The following NR1H2 variants were observed in gnomAD, a reference collection of about 807,000 sequenced individuals.
NR1H2 encodes oxysterols receptor LXR-beta.
A neutral mutation model predicts 51.2 loss-of-function variants in NR1H2; 33 were observed. The ratio of observed to expected loss-of-function variants is 0.64; its 90% CI spans 0.49 to 0.86. The LOEUF (loss-of-function observed/expected upper bound fraction) is 0.86, where lower values mean the gene tolerates loss of function less well. NR1H2 is among the 40% of genes least tolerant of loss of function. NR1H2 has a pLI of 0.00. For synonymous variants in NR1H2, 310 were observed against 264.3 expected (o/e 1.17, Z -1.68); for missense variants, 592 against 639.9 (o/e 0.93, Z 0.81).
chr19:50,378,888 G>C (rs1357966673), intron 6 of NR1H2, 92 bp downstream of exon 6: 4 of 1,558,064 alleles, frequency 2.6e-6, no homozygotes, highest in Non-Finnish European at 3.5e-6. Context: ...TGAGGCTCCA[G>C]AGGGCAGGGG....
At chr19:50,381,802 A>G (rs1389711267) in intron 8 of NR1H2, among the ~76,000 whole-genome samples, 164 bp from the exon 9 acceptor site, 1 of 152,180 alleles carries the variant, frequency 6.6e-6, no homozygotes, top group Non-Finnish European at 1.5e-5. Flanking sequence ...CACACCTACT[A>G]CATGCCAGCA....
rs952305624 is a variant in NR1H2, at chr19:50,382,479, G to A, written c.1260G>A (p.Met420Ile). 6 of 1,608,498 alleles carry A rather than the reference G, an allele frequency of 3.7e-6. No homozygotes were observed. The highest frequency in any genetic ancestry group is 4.2e-6 in the Non-Finnish European group (5 of 1,178,872). The change falls in exon 10 of 10, where the codon ATG becomes ATA. Residue 420 changes from methionine to isoleucine, a missense_variant. Coordinates refer to ENST00000253727, the MANE Select transcript of NR1H2 (RefSeq NM_007121.7). ...RPQDQLRFPRMLMKLVSLRTL... is the reference protein window; with the variant it reads ...RPQDQLRFPRILMKLVSLRTL... ...AGGACCAGCTGCGCTTCCCGCGCAT[G>A]CTCATGAAGCTGGTGAGCCTGCGCA...
Position 50,382,211 on chromosome 19 carries a change from C to G in NR1H2, c.1236+37C>G, listed in dbSNP as rs775370357. 35 of 1,479,984 alleles carry G rather than the reference C, an allele frequency of 2.4e-5. No homozygotes were observed. In the South Asian group the frequency reaches 4.2e-4, roughly 18 times the overall value. 91.7% of individuals were successfully genotyped at this position (1,479,984 alleles called of 1,614,324 possible). ...CAGAGCCTCTGCGCAGAGCCAACTA[C>G]GTCCCGCGGCCCACGTGGTCCGTTC... is the stretch of plus-strand genomic sequence containing the variant. On this transcript the variant is annotated intron_variant, in intron 9 of 9. Transcript: ENST00000253727.
Position 50,382,498 on chromosome 19 carries a change from C to A in NR1H2, c.1279C>A (p.Leu427Met). The change falls in exon 10 of 10, where the codon CTG (leucine) becomes ATG (methionine). Residue 427 changes from leucine (L) to methionine (M), a missense_variant. Physicochemically the swap from Leu to Met is conservative, Grantham distance 15. Transcript: ENST00000253727. ...FPRMLMKLVS[L>M]RTLSSVHSEQ... Reference sequence around the variant, plus strand: ...GCGCATGCTCATGAAGCTGGTGAGCCTGCGCACGCTGAGCTCTGTGCACTC... The same window carrying A: ...GCGCATGCTCATGAAGCTGGTGAGCATGCGCACGCTGAGCTCTGTGCACTC... The A allele has an allele frequency of 6.2e-7, 1 of 1,610,710 alleles. No individual in the cohort carries two copies. The highest frequency in any genetic ancestry group is 8.5e-7 in the Non-Finnish European group (1 of 1,179,298).
chr19:50,377,449 G>T, intron 2 of NR1H2, 138 bp from the exon 3 acceptor site: 1 of 626,290 alleles, frequency 1.6e-6, no homozygotes, highest in South Asian at 2.2e-5. Context: ...TTTGTAGGCT[G>T]GCAGGAACCA....
In NR1H2 at chr19:50,378,243, C is replaced by T. The variant is rs752813998; in HGVS notation, c.276C>T (p.Asp92=). 9 of 1,613,564 alleles carry T rather than the reference C, an allele frequency of 5.6e-6. No homozygotes were observed. The Admixed American group carries it at 6.7e-5, about 12-fold the overall frequency. Residue 92 remains aspartate (D), a synonymous_variant, in exon 5 of 10, where the codon GAC becomes GAT. Coordinates refer to ENST00000253727, the MANE Select transcript of NR1H2 (RefSeq NM_007121.7). Reference sequence around the variant, plus strand: ...ACGAGCTTTGCCGTGTCTGTGGGGACAAGGCCTCCGGCTTCCACTACAACG... The same window carrying T: ...ACGAGCTTTGCCGTGTCTGTGGGGATAAGGCCTCCGGCTTCCACTACAACG... ...LGHELCRVCG[D]KASGFHYNVL... is the part of the protein sequence containing the mutation.
rs763899326 is a variant in NR1H2, at chr19:50,379,174, C to G, written c.920C>G (p.Thr307Ser). 3 of 1,610,770 alleles carry G rather than the reference C, an allele frequency of 1.9e-6. No homozygotes were observed. The highest frequency in any genetic ancestry group is 2.5e-6 in the Non-Finnish European group (3 of 1,178,390). ...CAGATCGCCCTCCTGAAGGCATCCA[C>G]TATCGAGGTAATGGTCCATCTGCCC... Reference protein sequence around the residue: ...EDQIALLKASTIEIMLLETAR... With the variant: ...EDQIALLKASSIEIMLLETAR... The change falls in exon 7 of 10, where the codon ACT becomes AGT. Residue 307 changes from threonine to serine, a missense_variant. Physicochemically the swap from Thr to Ser is moderately conservative, Grantham distance 58. Coordinates refer to ENST00000253727, the MANE Select transcript of NR1H2 (RefSeq NM_007121.7).
intron 8 of NR1H2, among the ~76,000 whole-genome samples, chr19:50,381,446 G>A (rs1023628869): frequency 2.6e-5 from 4 of 152,208 alleles, no homozygotes; most frequent in African/African-American, 7.2e-5. Flanking sequence ...GACAGGCTGG[G>A]CCTCTTCCTA....
In NR1H2 at chr19:50,378,132, C is replaced by T. The variant is rs767189993; in HGVS notation, c.182-17C>T. The T allele has an allele frequency of 4.3e-5, 69 of 1,600,728 alleles. No individual in the cohort carries two copies. The highest frequency in any genetic ancestry group is 5.7e-5 in the Non-Finnish European group (67 of 1,171,946). Reference sequence around the variant, plus strand: ...TCTCCTTGTGGCTTTCTCATGGCCTCTACCTACCCACCCCAGTCATCCCAG... The same window carrying T: ...TCTCCTTGTGGCTTTCTCATGGCCTTTACCTACCCACCCCAGTCATCCCAG... On this transcript the variant is annotated splice_polypyrimidine_tract_variant and intron_variant, in intron 4 of 9. Transcript: ENST00000253727.
At position 50,379,880 on chromosome 19, in the gene NR1H2, G is replaced by A. The variant is rs776685331; in HGVS notation, c.1027+1G>A. 6.2e-7 allele frequency: 1 copy of A among 1,608,920 alleles called. No homozygotes were observed. The stretch of plus-strand genomic sequence containing the variant: ...AGCAAGGACGACTTCCACCGTGCAG[G>A]TAGGGCCCAGGGGAGGCTTCGGGGA... On this transcript the variant is annotated splice_donor_variant, in intron 8 of 9. Coordinates refer to ENST00000253727, the MANE Select transcript of NR1H2 (RefSeq NM_007121.7). LOFTEE classifies it high-confidence loss of function.
At chr19:50,377,277 C>T (rs1254926551) in intron 2 of NR1H2, 6 of 327,198 alleles carry the variant, frequency 1.8e-5, no homozygotes, top group African/African-American at 2.2e-5. Flanking sequence ...GCATGGAGGC[C>T]GTGAAGGCAG....
At chr19:50,378,060 C>A in intron 4 of NR1H2, 89 bp from the exon 5 acceptor site, 1 of 1,465,432 alleles carries the variant, frequency 6.8e-7, no homozygotes, top group Non-Finnish European at 9.2e-7. Context: ...CATCCTCTGG[C>A]TCTTTGCCTG....
At position 50,377,724 on chromosome 19, in the gene NR1H2, C is replaced by G. The variant is rs977183890; in HGVS notation, c.44-9C>G. 2 of 1,604,472 alleles carry G rather than the reference C, an allele frequency of 1.2e-6. No individual in the cohort carries two copies. Among genetic ancestry groups the G allele is most frequent in the Non-Finnish European group, 1.7e-6 (2 of 1,174,858 alleles). ...CACTGTACCTCTCCCGGATTCCACC[C>G]TCTTCCAGGAAATGGCCCCCCTCAG... On this transcript the variant is annotated splice_polypyrimidine_tract_variant and intron_variant, in intron 3 of 9. Coordinates refer to ENST00000253727, the MANE Select transcript of NR1H2 (RefSeq NM_007121.7).
chr19:50,380,586 C>T (rs1228547090), intron 8 of NR1H2, among the ~76,000 whole-genome samples: 1 of 152,154 alleles, frequency 6.6e-6, no homozygotes, highest in Non-Finnish European at 1.5e-5. Context: ...TCTCCCCTTC[C>T]TCTTACTCCG....
At chr19:50,377,304 A>C in intron 2 of NR1H2, 1 of 403,192 alleles carries the variant, frequency 2.5e-6, no homozygotes, top group Non-Finnish European at 4.4e-6. Flanking sequence ...ATTAAAGGAG[A>C]ATGGGCCCTA....
chr19:50,377,538 C>G lies in NR1H2; in HGVS notation c.-19-49C>G, dbSNP rs990802031. ...CTGTCAGGACCTGTAACTGACCTAA[C>G]CTAACCCTTCTTAGCCCCACAAGGC... On this transcript the variant is annotated intron_variant, in intron 2 of 9. Transcript: ENST00000253727. The G allele has an allele frequency of 2.7e-6, 4 of 1,493,396 alleles. No individual in the cohort carries two copies. The South Asian group carries it at 3.5e-5, about 13-fold the overall frequency. 92.5% of individuals were successfully genotyped at this position (1,493,396 alleles called of 1,614,324 possible).
intron 2 of NR1H2, chr19:50,377,217 G>T: frequency 4.6e-6 from 1 of 218,018 alleles, no homozygotes; most frequent in Non-Finnish European, 9.0e-6. Context: ...GATGCTTGGG[G>T]CAGAAGTGAG....
chr19:50,382,772 C>A lies in NR1H2; in HGVS notation c.*170C>A. On this transcript the variant is annotated 3_prime_UTR_variant, in exon 10 of 10. Coordinates refer to ENST00000253727, the MANE Select transcript of NR1H2 (RefSeq NM_007121.7). ...CCAGGTCCAGGAGGCTCCCTCCCTG[C>A]CCAGCGAGTCTTCCAGAAGGGGTGA... 3 of 635,194 alleles carry A rather than the reference C, an allele frequency of 4.7e-6. No individual in the cohort carries two copies. The highest frequency in any genetic ancestry group is 3.1e-5 in the East Asian group (1 of 31,998). 39.3% of individuals were successfully genotyped at this position (635,194 alleles called of 1,614,324 possible). A position where few individuals can be genotyped will look rare whatever the true frequency, so the allele number is the denominator to read the frequency against.
chr19:50,378,778 C>T lies in NR1H2; in HGVS notation c.729C>T (p.Ser243=), dbSNP rs772825087. 50 of 1,613,610 alleles carry T rather than the reference C, an allele frequency of 3.1e-5. No individual in the cohort carries two copies. Among genetic ancestry groups the T allele is most frequent in the Middle Eastern group, 1.6e-4 (1 of 6,062 alleles). ...TGCAGTGCAACAAACGCTCCTTCTCCGACCAGCCCAAAGTCACGGTACTGC... is the reference window on the plus strand; with the variant it reads ...TGCAGTGCAACAAACGCTCCTTCTCTGACCAGCCCAAAGTCACGGTACTGC... ...AQLQCNKRSF[S]DQPKVTPWPL... The change falls in exon 6 of 10, where the codon TCC becomes TCT. Residue 243 remains serine (S), a synonymous_variant. Transcript: ENST00000253727.
Sources: allele counts gnomAD v4.1 joint callset (sites outside exome capture counted in the v4.1 genomes callset), GRCh38; gene constraint gnomAD v4.1.1; transcripts MANE v1.5; gene names NCBI Gene and HGNC (gene_info 2026-07-23, HGNC 2026-07-21).